The following ZSWIM4 variants were observed in gnomAD, a reference collection of about 807,000 sequenced individuals.
ZSWIM4 encodes the protein zinc finger SWIM-type containing 4, also known as zinc finger SWIM domain-containing protein 4.
In ZSWIM4, 62 loss-of-function variants were observed where a neutral mutation model predicts 102.5. The ratio of observed to expected loss-of-function variants is 0.60; its 90% CI spans 0.49 to 0.75. The LOEUF (loss-of-function observed/expected upper bound fraction) is 0.75. Ranked by LOEUF, ZSWIM4 falls within the 30% of genes least tolerant of loss-of-function variation. ZSWIM4 has a pLI of 0.00. For missense variants in ZSWIM4, 1,280 were observed against 1,529.6 expected (o/e 0.84, Z 2.72); for synonymous variants, 652 against 674.5 (o/e 0.97, Z 0.52).
intron 5 of ZSWIM4, 126 bp from the exon 6 acceptor site, chr19:13,812,871 G>A (rs941137564): frequency 9.6e-7 from 1 of 1,046,102 alleles, no homozygotes; most frequent in Admixed American, 2.3e-5. Flanking sequence ...AAGGCTGCGA[G>A]TTGCAACTTC....
Position 13,832,104 on chromosome 19 carries a change from C to T in ZSWIM4, c.*1054C>T, listed in dbSNP as rs781309559. 2.8e-5 allele frequency: 4 copies of T among 144,938 alleles called. No homozygotes were observed. The highest frequency in any genetic ancestry group is 2.2e-4 in the South Asian group (1 of 4,574). 9.0% of individuals were successfully genotyped at this position (144,938 alleles called of 1,614,324 possible). A position where few individuals can be genotyped will look rare whatever the true frequency, so the allele number is the denominator to read the frequency against. On this transcript the variant is annotated 3_prime_UTR_variant, in exon 14 of 14. Transcript: ENST00000590508. ...TGTAACTTTTTTTCTATTTATTGAACGGTGTATTACATGTCCTTTTCCTTT... is the reference window on the plus strand; with the variant it reads ...TGTAACTTTTTTTCTATTTATTGAATGGTGTATTACATGTCCTTTTCCTTT...
chr19:13,814,063 T>G lies in ZSWIM4; in HGVS notation c.1181-452T>G, dbSNP rs1975193191. Among the ~76,000 whole-genome samples, 3 of 148,796 alleles carry G rather than the reference T, an allele frequency of 2.0e-5. No homozygotes were observed. In the South Asian group the frequency reaches 6.4e-4, roughly 32 times the overall value. Reference sequence around the variant, plus strand: ...GCTCCTAACACATACACGCATCCTTTTTTTTTTTTTTTTGAGACAGTCTCA... The same window carrying G: ...GCTCCTAACACATACACGCATCCTTGTTTTTTTTTTTTTGAGACAGTCTCA... On this transcript the variant is annotated intron_variant, in intron 6 of 13. Transcript: ENST00000590508.
rs1173302844 is a variant in ZSWIM4, at chr19:13,809,667, G to T, written c.1012+447G>T. Among the ~76,000 whole-genome samples, 1 of 152,108 alleles carries T rather than the reference G, an allele frequency of 6.6e-6. No individual in the cohort carries two copies. Among genetic ancestry groups the T allele is most frequent in the African/African-American group, 2.4e-5 (1 of 41,410 alleles). On this transcript the variant is annotated intron_variant, in intron 5 of 13. Transcript: ENST00000590508. The surrounding 1 kb of genome is among the most constrained non-coding windows in gnomAD (Gnocchi z 4.2). ...CAGCTAATTTTTAATTTTTTGAAGAGACAGAGTCTCACTATCTTGCCAAGT... is the reference window on the plus strand; with the variant it reads ...CAGCTAATTTTTAATTTTTTGAAGATACAGAGTCTCACTATCTTGCCAAGT...
In ZSWIM4 at chr19:13,828,640, T is replaced by TG; in HGVS notation, c.2380-4dup. ...AACCCCCTTCTCCCCACCCCTACCTTGCAGGTGATGCGGATGACTCTGAAC... is the reference window on the plus strand; with the variant it reads ...AACCCCCTTCTCCCCACCCCTACCTTGGCAGGTGATGCGGATGACTCTGAAC... On this transcript the variant is annotated splice_polypyrimidine_tract_variant and splice_region_variant and intron_variant, in intron 12 of 13. Transcript: ENST00000590508. The TG allele has an allele frequency of 5.6e-6, 9 of 1,613,894 alleles. No individual in the cohort carries two copies. The highest frequency in any genetic ancestry group is 7.6e-6 in the Non-Finnish European group (9 of 1,179,894).
At position 13,808,939 on chromosome 19, in the gene ZSWIM4, C is replaced by T. The variant is rs963305187; in HGVS notation, c.816C>T (p.Gly272=). ...AGGTGAAGCAGCTACTGTCCAATGGCGGCTACTACGGGGCCAGCCAGCAGC... is the reference window on the plus strand; with the variant it reads ...AGGTGAAGCAGCTACTGTCCAATGGTGGCTACTACGGGGCCAGCCAGCAGC... The part of the protein sequence containing the change: ...QEQVKQLLSN[G]GYYGASQQLR... Residue 272 remains glycine (G), a synonymous_variant, in exon 4 of 14, where the codon GGC becomes GGT. Transcript: ENST00000590508. The T allele has an allele frequency of 1.9e-6, 3 of 1,609,318 alleles. No individual in the cohort carries two copies. In the South Asian group the frequency reaches 3.3e-5, roughly 18 times the overall value.
rs1231135534 is a variant in ZSWIM4 at position 13,818,045 on chromosome 19, C to T, written c.1924+69C>T. 4.2e-6 allele frequency: 6 copies of T among 1,423,380 alleles called. No individual in the cohort carries two copies. In the African/African-American group the frequency reaches 8.7e-5, roughly 21 times the overall value. 88.2% of individuals were successfully genotyped at this position (1,423,380 alleles called of 1,614,324 possible). A position where few individuals can be genotyped will look rare whatever the true frequency, so the allele number is the denominator to read the frequency against. ...TCCAGCCCCTGGTCCTGTAGCGGCCCGGTTGCTGCCAGATGGGAGGCCCCG... is the reference window on the plus strand; with the variant it reads ...TCCAGCCCCTGGTCCTGTAGCGGCCTGGTTGCTGCCAGATGGGAGGCCCCG... On this transcript the variant is annotated intron_variant, in intron 9 of 13. Transcript: ENST00000590508.
chr19:13,800,356 C>G (rs57529039), intron 2 of ZSWIM4, among the ~76,000 whole-genome samples: 4,151 of 148,672 alleles, frequency 0.028, 184 homozygotes, highest in African/African-American at 0.098. Context: ...AGCTCCGCCT[C>G]CCGGGTTCAC....
At chr19:13,820,275 A>G (rs1286819238) in intron 10 of ZSWIM4, among the ~76,000 whole-genome samples, 1 of 151,964 alleles carries the variant, frequency 6.6e-6, no homozygotes, top group African/African-American at 2.4e-5. Context: ...TGGCTCTGTC[A>G]CCCAGGCCAG....
chr19:13,810,423 G>A (rs1023590853), intron 5 of ZSWIM4, among the ~76,000 whole-genome samples: 3 of 151,744 alleles, frequency 2.0e-5, no homozygotes, highest in Non-Finnish European at 4.4e-5. Context: ...CTTCTCAGTA[G>A]CTGGGATTAT....
At chr19:13,811,841 G>A (rs578106817) in intron 5 of ZSWIM4, among the ~76,000 whole-genome samples, 7 of 152,232 alleles carry the variant, frequency 4.6e-5, no homozygotes, top group Admixed American at 2.6e-4. Context: ...TTGGGAGGCC[G>A]AGGTGGGCAG....
Position 13,814,799 on chromosome 19 carries a change from G to A in ZSWIM4, c.1465G>A (p.Ala489Thr), listed in dbSNP as rs1252893513. 44 of 1,284,102 alleles carry A rather than the reference G, an allele frequency of 3.4e-5. No individual in the cohort carries two copies. The highest frequency in any genetic ancestry group is 4.5e-5 in the Non-Finnish European group (44 of 984,526). 79.5% of individuals were successfully genotyped at this position (1,284,102 alleles called of 1,614,324 possible). ...CCGCCAGGCCCTGCGGCTGGCAAGT[G>A]CCATCATCAACACACTCCGGCTGCA... ...YPRQALRLASAIINTLRLQQR... is the reference protein window; with the variant it reads ...YPRQALRLASTIINTLRLQQR... The change falls in exon 7 of 14, where the codon GCC (alanine) becomes ACC (threonine). Residue 489 changes from alanine (A) to threonine (T), a missense_variant. Ala to Thr is a moderately conservative substitution (Grantham distance 58, BLOSUM62 0). Coordinates refer to ENST00000590508, the MANE Select transcript of ZSWIM4 (RefSeq NM_001367834.3).
chr19:13,799,745 C>A lies in ZSWIM4; in HGVS notation c.179C>A (p.Pro60His). 1 of 1,614,092 alleles carries A rather than the reference C, an allele frequency of 6.2e-7. No homozygotes were observed. Residue 60 changes from proline to histidine, a missense_variant, in exon 2 of 14, where the codon CCT becomes CAT. Physicochemically the swap from Pro to His is moderately conservative, Grantham distance 77. Coordinates refer to ENST00000590508, the MANE Select transcript of ZSWIM4 (RefSeq NM_001367834.3). ...EQVEERFSRV[P>H]EPVQKRIVFW... ...GTGGAGGAGCGGTTCTCCCGGGTGC[C>A]TGAGCCCGTCCAGAAGCGCATCGTG...
rs1305298686 is a variant in ZSWIM4, at chr19:13,825,760, C to T, written c.2379+47C>T. 10 of 1,571,366 alleles carry T rather than the reference C, an allele frequency of 6.4e-6. No homozygotes were observed. The highest frequency in any genetic ancestry group is 8.6e-6 in the Non-Finnish European group (10 of 1,163,258). On this transcript the variant is annotated intron_variant, in intron 12 of 13. Coordinates refer to ENST00000590508, the MANE Select transcript of ZSWIM4 (RefSeq NM_001367834.3). The surrounding 1 kb of genome is among the most constrained non-coding windows in gnomAD (Gnocchi z 4.6). ...CGGGAGGGCGATGGTGGCTCGGGGC[C>T]AGGACTGACTGTGAGCTGCGCCTCC...
At chr19:13,802,810 C>T (rs1298693305) in intron 2 of ZSWIM4, among the ~76,000 whole-genome samples, 3 of 152,082 alleles carry the variant, frequency 2.0e-5, no homozygotes, top group African/African-American at 7.2e-5. Flanking sequence ...AACTCCTGGG[C>T]TCAAGAGATC....
intron 2 of ZSWIM4, among the ~76,000 whole-genome samples, chr19:13,803,859 C>A (rs1974840318): frequency 6.8e-6 from 1 of 147,938 alleles, no homozygotes; most frequent in Non-Finnish European, 1.5e-5. Flanking sequence ...TTCATACCAA[C>A]AGCGTTCTAA....
At position 13,813,000 on chromosome 19, in the gene ZSWIM4, C is replaced by G. The variant is rs775242858; in HGVS notation, c.1016C>G (p.Ala339Gly). ...AGCCTGCCCCGTGCCTCCTCAGGGG[C>G]CCTGTGGGTTTGCGTCGTCCTGAGC... ...KCRQLWDELGALWVCVVLSPH... is the reference protein window; with the variant it reads ...KCRQLWDELGGLWVCVVLSPH... The change falls in exon 6 of 14, where the codon GCC becomes GGC. Residue 339 changes from alanine to glycine, a missense_variant. Transcript: ENST00000590508. 17 of 1,607,998 alleles carry G rather than the reference C, an allele frequency of 1.1e-5. No homozygotes were observed. The highest frequency in any genetic ancestry group is 1.4e-5 in the Non-Finnish European group (16 of 1,175,934).
At chr19:13,816,123 T>G (rs1599602889) in intron 7 of ZSWIM4, among the ~76,000 whole-genome samples, 11 of 141,390 alleles carry the variant, frequency 7.8e-5, no homozygotes, top group African/African-American at 1.3e-4. Flanking sequence ...GATATGGGGG[T>G]GGGGGACAGG....
rs151067351 is a variant in ZSWIM4, at chr19:13,818,925, G to A, written c.1925-432G>A. Among the ~76,000 whole-genome samples the A allele has an allele frequency of 9.5e-3, 1,381 of 145,532 alleles. 20 individuals are homozygous for A. Among genetic ancestry groups the A allele is most frequent in the African/African-American group, 0.034 (1,321 of 38,654 alleles). Reference sequence around the variant, plus strand: ...GTCTCCCAGGTTGGAGTGCAGTGGCGCAATCTCGGCTCACTGCACCCTCCG... The same window carrying A: ...GTCTCCCAGGTTGGAGTGCAGTGGCACAATCTCGGCTCACTGCACCCTCCG... On this transcript the variant is annotated intron_variant, in intron 9 of 13. Coordinates refer to ENST00000590508, the MANE Select transcript of ZSWIM4 (RefSeq NM_001367834.3).
At chr19:13,800,310 G>C (rs542860441) in intron 2 of ZSWIM4, among the ~76,000 whole-genome samples, 181 of 119,182 alleles carry the variant, frequency 1.5e-3, no homozygotes, top group Non-Finnish European at 2.1e-3. Flanking sequence ...TTTTCGCCCA[G>C]GCCGGAGTGC....
Sources: allele counts gnomAD v4.1 joint callset (sites outside exome capture counted in the v4.1 genomes callset), GRCh38; gene constraint gnomAD v4.1.1; non-coding constraint Gnocchi (gnomAD v3.1); transcripts MANE v1.5; gene names NCBI Gene and HGNC (gene_info 2026-07-23, HGNC 2026-07-21).